Variants in PGCKA1 observed in about 807,000 individuals in gnomAD.
PGCKA1 encodes the protein PDCD10 and GCKIII kinases-associated protein 1.
the PGCKA1 span, among the ~76,000 whole-genome samples, chr4:37,488,105 C>T: frequency 1.3e-5 from 2 of 152,114 alleles, no homozygotes; most frequent in African/African-American, 4.8e-5. Context: ...CACATCCAGG[C>T]CCTGTTGGGC....
chr4:37,454,707 A>T, the PGCKA1 span, among the ~76,000 whole-genome samples: 116 of 152,384 alleles, frequency 7.6e-4, no homozygotes, highest in African/African-American at 2.3e-3. Flanking sequence ...TTGGTTACTT[A>T]GGTTGCATTG....
the PGCKA1 span, among the ~76,000 whole-genome samples, chr4:37,589,135 G>A: frequency 6.6e-6 from 1 of 152,096 alleles, no homozygotes; most frequent in African/African-American, 2.4e-5. Context: ...CATTTTCTGA[G>A]GCTGAATTTG....
At chr4:37,524,123 C>T in the PGCKA1 span, among the ~76,000 whole-genome samples, 1 of 152,170 alleles carries the variant, frequency 6.6e-6, no homozygotes, top group Admixed American at 6.5e-5. Flanking sequence ...CTTTTAAACA[C>T]TTTGTATTAT....
chr4:37,549,069 C>CT, the PGCKA1 span, among the ~76,000 whole-genome samples: 1 of 152,006 alleles, frequency 6.6e-6, no homozygotes, highest in South Asian at 2.1e-4. Flanking sequence ...AGGTCAGACC[C>CT]GAGGGCCATC....
At chr4:37,456,618 A>G in the PGCKA1 span, among the ~76,000 whole-genome samples, 2 of 152,348 alleles carry the variant, frequency 1.3e-5, no homozygotes, top group Admixed American at 6.5e-5. Context: ...GTTCTACAAA[A>G]TTTAATAAAA....
At chr4:37,476,416 C>G in the PGCKA1 span, among the ~76,000 whole-genome samples, 1 of 152,146 alleles carries the variant, frequency 6.6e-6, no homozygotes, top group Non-Finnish European at 1.5e-5. Flanking sequence ...TAATCCAAAG[C>G]CATATCCCTT....
At chr4:37,463,309 A>G in the PGCKA1 span, among the ~76,000 whole-genome samples, 1 of 152,200 alleles carries the variant, frequency 6.6e-6, no homozygotes, top group Non-Finnish European at 1.5e-5. Context: ...CTGGCATGTG[A>G]CAAACGCATT....
the PGCKA1 span, among the ~76,000 whole-genome samples, chr4:37,516,091 AACT>A: frequency 6.6e-6 from 1 of 152,326 alleles, no homozygotes; most frequent in Middle Eastern, 3.4e-3. Context: ...TATTCATACA[AACT>A]ATTTAGGTAT....
At chr4:37,538,419 G>C in the PGCKA1 span, among the ~76,000 whole-genome samples, 1 of 152,236 alleles carries the variant, frequency 6.6e-6, no homozygotes, top group Non-Finnish European at 1.5e-5. Context: ...GGCATCTGCA[G>C]ATTCACAGAA....
At chr4:37,532,714 T>C in the PGCKA1 span, among the ~76,000 whole-genome samples, 1 of 152,156 alleles carries the variant, frequency 6.6e-6, no homozygotes, top group African/African-American at 2.4e-5. Flanking sequence ...TGAACACAGT[T>C]GGAATAGGAA....
At chr4:37,475,712 T>A in the PGCKA1 span, among the ~76,000 whole-genome samples, 1 of 152,172 alleles carries the variant, frequency 6.6e-6, no homozygotes, top group South Asian at 2.1e-4. Flanking sequence ...ATTGGAAATA[T>A]CCTAGATAAA....
At chr4:37,566,693 C>T in the PGCKA1 span, among the ~76,000 whole-genome samples, 5 of 152,194 alleles carry the variant, frequency 3.3e-5, no homozygotes, top group Non-Finnish European at 7.3e-5. Flanking sequence ...AAGTGATTCT[C>T]CTGCCTCAGC....
the PGCKA1 span, among the ~76,000 whole-genome samples, chr4:37,499,949 GTCTC>G: frequency 6.8e-5 from 9 of 131,468 alleles, no homozygotes; most frequent in Non-Finnish European, 1.4e-4. Context: ...TTGAGATGGA[GTCTC>G]TCTCTGTCAC....
the PGCKA1 span, among the ~76,000 whole-genome samples, chr4:37,531,871 G>A: frequency 6.5e-5 from 8 of 122,616 alleles, no homozygotes; most frequent in African/African-American, 9.3e-5. Context: ...CAGCCTGGGC[G>A]AAAGAGCTAG....
At chr4:37,543,833 CAA>C in the PGCKA1 span, among the ~76,000 whole-genome samples, 2 of 146,208 alleles carry the variant, frequency 1.4e-5, no homozygotes, top group African/African-American at 2.5e-5. Flanking sequence ...GACTCCGTCT[CAA>C]AAAAAAAAAA....
the PGCKA1 span, among the ~76,000 whole-genome samples, chr4:37,491,024 A>G: frequency 6.6e-6 from 1 of 152,182 alleles, no homozygotes; most frequent in Non-Finnish European, 1.5e-5. Flanking sequence ...TACACTTTAA[A>G]TCATTTTTTA....
chr4:37,496,154 T>A, the PGCKA1 span, among the ~76,000 whole-genome samples: 15 of 152,248 alleles, frequency 9.9e-5, no homozygotes, highest in Non-Finnish European at 1.9e-4. Flanking sequence ...TTGCTTTTGT[T>A]GCGATTACTT....
chr4:37,495,502 C>T, the PGCKA1 span, among the ~76,000 whole-genome samples: 1 of 152,146 alleles, frequency 6.6e-6, no homozygotes, highest in Non-Finnish European at 1.5e-5. Flanking sequence ...AAATATAGCA[C>T]ATATACACCA....
At chr4:37,555,608 G>A in the PGCKA1 span, among the ~76,000 whole-genome samples, 2 of 152,124 alleles carry the variant, frequency 1.3e-5, no homozygotes, top group East Asian at 1.9e-4. Flanking sequence ...GGTGTGGCTC[G>A]AGAGGTGGAT....
Sources: gnomAD v4.1 joint callset for allele counts (sites outside exome capture counted in the v4.1 genomes callset) on GRCh38, gnomAD v4.1.1 for gene constraint, MANE v1.5 for transcripts, NCBI Gene and HGNC (gene_info 2026-07-23, HGNC 2026-07-21) for gene names.